Variants in TM7SF2 observed in about 807,000 individuals in gnomAD.
TM7SF2 encodes the protein transmembrane 7 superfamily member 2.
TM7SF2 carries 51 observed loss-of-function variants against 51.0 expected under a neutral mutation model. The observed-to-expected ratio is 1.00, with a 90% confidence interval of 0.80 to 1.26. TM7SF2 has a LOEUF of 1.26. Ranked by LOEUF, TM7SF2 falls within the 50% of genes most tolerant of loss-of-function variation. The pLI, the probability that TM7SF2 is intolerant of heterozygous loss-of-function variation, is 0.00. For synonymous variants in TM7SF2, 255 were observed against 241.0 expected (o/e 1.06, Z -0.54); for missense variants, 541 against 547.4 (o/e 0.99, Z 0.12).
chr11:65,116,121 C>T lies in TM7SF2; in HGVS notation c.*68C>T. ...CACCAGCACACCCAGGACCAGGAGC[C>T]TCGACACACTTGGGACTCAAGGGCT... On this transcript the variant is annotated 3_prime_UTR_variant, in exon 10 of 10. Transcript: ENST00000279263. The T allele has an allele frequency of 6.5e-7, 1 of 1,548,190 alleles. No homozygotes were observed. The highest frequency in any genetic ancestry group is 1.2e-5 in the South Asian group (1 of 85,174).
At chr11:65,115,166 G>C in intron 7 of TM7SF2, 85 bp downstream of exon 7, 1 of 1,596,454 alleles carries the variant, frequency 6.3e-7, no homozygotes, top group Middle Eastern at 2.2e-4. Context: ...CACCACATAG[G>C]TGCTAACCCC....
intron 8 of TM7SF2, 41 bp downstream of exon 8, chr11:65,115,435 T>C: frequency 6.2e-7 from 1 of 1,614,160 alleles, no homozygotes; most frequent in South Asian, 1.1e-5. Flanking sequence ...GTGGGGCAGC[T>C]GGGCTTCCTG....
chr11:65,112,955 AC>A, intron 3 of TM7SF2, 90 bp downstream of exon 3: 2 of 1,460,330 alleles, frequency 1.4e-6, no homozygotes, highest in Non-Finnish European at 9.3e-7. Flanking sequence ...ATTGGCCCCC[AC>A]CCCAGGCTCC....
Position 65,112,505 on chromosome 11 carries a change from C to A in TM7SF2, c.53-10C>A. ...GGGGCGGACGCCCGACGTGATGGCC[C>A]TTCCCGCAGGCGCCGCGGCTCTGCT... On this transcript the variant is annotated splice_polypyrimidine_tract_variant and intron_variant, in intron 1 of 9. Transcript: ENST00000279263. 6.6e-7 allele frequency: 1 copy of A among 1,508,500 alleles called. No homozygotes were observed. Among genetic ancestry groups the A allele is most frequent in the East Asian group, 2.7e-5 (1 of 36,624 alleles). The allele number at this position is 1,508,500 out of a possible 1,614,324, so 93.4% of individuals were successfully genotyped here.
rs775699671 is a variant in TM7SF2 at position 65,113,385 on chromosome 11, T to G, written c.470T>G (p.Val157Gly). Reference protein sequence around the residue: ...FLYMKAQVAPVSALAPGGNSG... With the variant: ...FLYMKAQVAPGSALAPGGNSG... ...TACATGAAGGCGCAGGTAGCCCCAG[T>G]TTCGGCCCTGGCACCTGGGGGGAAC... The change falls in exon 4 of 10, where the codon GTT becomes GGT. Residue 157 changes from valine (V) to glycine (G), a missense_variant. By Grantham distance (109) the Val-to-Gly change is moderately radical. Transcript: ENST00000279263. The G allele has an allele frequency of 2.5e-6, 4 of 1,614,044 alleles. No individual in the cohort carries two copies. Among genetic ancestry groups the G allele is most frequent in the Non-Finnish European group, 3.4e-6 (4 of 1,180,034 alleles).
chr11:65,115,739 C>G, intron 9 of TM7SF2, 141 bp downstream of exon 9: 1 of 1,557,654 alleles, frequency 6.4e-7, no homozygotes, highest in Non-Finnish European at 8.8e-7. Context: ...TGGGGCACAC[C>G]TCTGTGCCAA....
At chr11:65,113,625 G>A (rs1003909028) in intron 5 of TM7SF2, 31 bp downstream of exon 5, 1 of 1,599,732 alleles carries the variant, frequency 6.3e-7, no homozygotes, top group Non-Finnish European at 8.6e-7. Flanking sequence ...CTGGCCTCAG[G>A]CCAGGGGGAG....
rs368139158 is a variant in TM7SF2, at chr11:65,113,286, G to A, written c.371G>A (p.Gly124Glu). The part of the protein sequence containing the change: ...GLGMSAGLPL[G>E]ALPEMLLPLA... Reference sequence around the variant, plus strand: ...GGGATGTCAGCGGGGCTGCCTCTGGGGGCGCTCCCGGAAATGCTCCTGCCC... The same window carrying A: ...GGGATGTCAGCGGGGCTGCCTCTGGAGGCGCTCCCGGAAATGCTCCTGCCC... Residue 124 changes from glycine (G) to glutamate (E), a missense_variant, in exon 4 of 10, where the codon GGG (glycine) becomes GAG (glutamate). Gly to Glu is a moderately conservative substitution (Grantham distance 98). Coordinates refer to ENST00000279263, the MANE Select transcript of TM7SF2 (RefSeq NM_003273.6). The A allele has an allele frequency of 1.2e-6, 2 of 1,611,168 alleles. No homozygotes were observed. Among genetic ancestry groups the A allele is most frequent in the African/African-American group, 1.3e-5 (1 of 75,042 alleles).
chr11:65,115,910 C>T lies in TM7SF2; in HGVS notation c.1114C>T (p.Pro372Ser), dbSNP rs755351709. ...CTCTACAGGGGTGTCACACCTGCTGCCCTACTTCTACCTCCTCTACTTCAC... is the reference window on the plus strand; with the variant it reads ...CTCTACAGGGGTGTCACACCTGCTGTCCTACTTCTACCTCCTCTACTTCAC... ...SLPCGVSHLLPYFYLLYFTAL... is the reference protein window; with the variant it reads ...SLPCGVSHLLSYFYLLYFTAL... Residue 372 changes from proline (P) to serine (S), a missense_variant, in exon 10 of 10, where the codon CCC (proline) becomes TCC (serine). By Grantham distance (74) the Pro-to-Ser change is moderately conservative (BLOSUM62 -1). Transcript: ENST00000279263. 6.2e-6 allele frequency: 10 copies of T among 1,614,102 alleles called. No individual in the cohort carries two copies. Among genetic ancestry groups the T allele is most frequent in the Non-Finnish European group, 7.6e-6 (9 of 1,180,020 alleles).
chr11:65,115,185 T>C (rs1287734502), intron 7 of TM7SF2, 104 bp downstream of exon 7: 1 of 1,593,820 alleles, frequency 6.3e-7, no homozygotes, highest in Non-Finnish European at 8.6e-7. Context: ...CCCAGGGTTC[T>C]CTAAAGCCAG....
Position 65,111,930 on chromosome 11 carries a change from C to T in TM7SF2, c.-86C>T. Reference sequence around the variant, plus strand: ...CGCGGGGCCGGATCCTCCGCGCGGCCGAGTCCATCTCCTGGGAAATGGGGC... The same window carrying T: ...CGCGGGGCCGGATCCTCCGCGCGGCTGAGTCCATCTCCTGGGAAATGGGGC... On this transcript the variant is annotated 5_prime_UTR_variant, in exon 1 of 10. Coordinates refer to ENST00000279263, the MANE Select transcript of TM7SF2 (RefSeq NM_003273.6). 1 of 1,443,686 alleles carries T rather than the reference C, an allele frequency of 6.9e-7. No homozygotes were observed. Among genetic ancestry groups the T allele is most frequent in the Non-Finnish European group, 9.5e-7 (1 of 1,050,210 alleles). 89.4% of individuals were successfully genotyped at this position (1,443,686 alleles called of 1,614,324 possible).
rs148065401 is a variant in TM7SF2, at chr11:65,115,154, A to C, written c.892+73A>C. Reference sequence around the variant, plus strand: ...TTTGATTCATGCTCTGTTTACACGCACCACCACATAGGTGCTAACCCCCAG... The same window carrying C: ...TTTGATTCATGCTCTGTTTACACGCCCCACCACATAGGTGCTAACCCCCAG... On this transcript the variant is annotated intron_variant, in intron 7 of 9. Transcript: ENST00000279263. 1.4e-3 allele frequency: 2,184 copies of C among 1,597,908 alleles called. 5 individuals carry two copies. Among genetic ancestry groups the C allele is most frequent in the Non-Finnish European group, 1.7e-3 (2,009 of 1,171,256 alleles).
chr11:65,114,554 C>T (rs553677280), intron 5 of TM7SF2, 159 bp from the exon 6 acceptor site: 95 of 858,046 alleles, frequency 1.1e-4, no homozygotes, highest in Non-Finnish European at 1.6e-4. Flanking sequence ...AAACAGGCTG[C>T]GGGCACCTCC....
chr11:65,115,840 A>G (rs1947974361), intron 9 of TM7SF2, 53 bp from the exon 10 acceptor site: 3 of 1,613,348 alleles, frequency 1.9e-6, no homozygotes, highest in Non-Finnish European at 2.5e-6. Context: ...AACGTTTGTG[A>G]ACTGCGGGGT....
chr11:65,112,766 G>A, intron 2 of TM7SF2, 45 bp from the exon 3 acceptor site: 1 of 1,549,650 alleles, frequency 6.5e-7, no homozygotes, highest in Non-Finnish European at 8.7e-7. Context: ...GCTCGGCGAG[G>A]GAAAGGACGC....
In TM7SF2 at chr11:65,116,086, C is replaced by T; in HGVS notation, c.*33C>T. 1 of 1,589,272 alleles carries T rather than the reference C, an allele frequency of 6.3e-7. No homozygotes were observed. On this transcript the variant is annotated 3_prime_UTR_variant, in exon 10 of 10. Transcript: ENST00000279263. ...CCACCACCCCAGGTGGGGGCATGTG[C>T]CCACTCATCCACCAGCACACCCAGG...
chr11:65,112,152 T>G, intron 1 of TM7SF2, 85 bp downstream of exon 1: 3 of 1,392,972 alleles, frequency 2.2e-6, no homozygotes, highest in Non-Finnish European at 2.9e-6. Context: ...GGGCGAGATC[T>G]GAGGATGGAA....
intron 5 of TM7SF2, 53 bp downstream of exon 5, chr11:65,113,647 G>C: frequency 1.3e-6 from 2 of 1,521,498 alleles, no homozygotes; most frequent in Non-Finnish European, 9.1e-7. Context: ...GTTAGGGTGG[G>C]TGAGCAGCGC....
chr11:65,114,948 C>A lies in TM7SF2; in HGVS notation c.759C>A (p.Asp253Glu), dbSNP rs763712793. The A allele has an allele frequency of 1.2e-6, 2 of 1,614,116 alleles. No individual in the cohort carries two copies. Among genetic ancestry groups the A allele is most frequent in the African/African-American group, 2.7e-5 (2 of 74,942 alleles). ...AVLTTMDITHDGFGFMLAFGD... is the reference protein window; with the variant it reads ...AVLTTMDITHEGFGFMLAFGD... ...TCACCACCATGGATATCACACATGA[C>A]GGGTTTGGCTTCATGCTGGCGTTTG... Residue 253 changes from aspartate to glutamate, a missense_variant, in exon 7 of 10, where the codon GAC becomes GAA. Coordinates refer to ENST00000279263, the MANE Select transcript of TM7SF2 (RefSeq NM_003273.6).
Sources: gnomAD v4.1 joint callset for allele counts on GRCh38, gnomAD v4.1.1 for gene constraint, MANE v1.5 for transcripts, NCBI Gene and HGNC (gene_info 2026-07-23, HGNC 2026-07-21) for gene names.